Variants in PCDHGB6 observed in about 807,000 individuals in gnomAD.
PCDHGB6 encodes the protein protocadherin gamma-B6.
In PCDHGB6, 51 loss-of-function variants were observed where a neutral mutation model predicts 59.1. The ratio of observed to expected loss-of-function variants is 0.86; its 90% CI spans 0.69 to 1.09. The LOEUF (loss-of-function observed/expected upper bound fraction) is 1.09, where lower values mean the gene tolerates loss of function less well. PCDHGB6 is among the 50% of genes least tolerant of loss of function. The probability of loss-of-function intolerance (pLI) is 0.00; values close to 1 mark genes in which losing one functional copy is unlikely to be tolerated. For missense variants in PCDHGB6, 1,148 were observed against 1,205.1 expected (o/e 0.95, Z 0.70); for synonymous variants, 466 against 495.1 (o/e 0.94, Z 0.78).
At chr5:141,460,453 A>T (rs1487816393) in intron 1 of PCDHGB6, among the ~76,000 whole-genome samples, 3 of 152,152 alleles carry the variant, frequency 2.0e-5, no homozygotes, top group Non-Finnish European at 4.4e-5. Flanking sequence ...ATGAAGATTC[A>T]TATTTTTTTC....
Position 141,418,518 on chromosome 5 carries a change from C to G in PCDHGB6, c.2418+7898C>G. Reference sequence around the variant, plus strand: ...CTGACCGCCTTAGATGGTGGGGACCCTCCCCGAAGCGGTACTGCTCAGATA... The same window carrying G: ...CTGACCGCCTTAGATGGTGGGGACCGTCCCCGAAGCGGTACTGCTCAGATA... On this transcript the variant is annotated intron_variant, in intron 1 of 3. Coordinates refer to ENST00000520790, the MANE Select transcript of PCDHGB6 (RefSeq NM_018926.3). The G allele has an allele frequency of 2.5e-6, 4 of 1,613,986 alleles. 1 individual carries two copies.
chr5:141,476,412 G>T lies in PCDHGB6; in HGVS notation c.2419-18395G>T. The T allele has an allele frequency of 1.2e-6, 2 of 1,614,140 alleles. No homozygotes were observed. Among genetic ancestry groups the T allele is most frequent in the Non-Finnish European group, 1.7e-6 (2 of 1,180,010 alleles). On this transcript the variant is annotated intron_variant, in intron 1 of 3. Coordinates refer to ENST00000520790, the MANE Select transcript of PCDHGB6 (RefSeq NM_018926.3). The surrounding 1 kb of genome is among the most constrained non-coding windows in gnomAD (Gnocchi z 7.6). ...CGTCTGGATCGAGAGGAGCTGTGTGGGACACTGCCCTCTTGCACTGTAACT... is the reference window on the plus strand; with the variant it reads ...CGTCTGGATCGAGAGGAGCTGTGTGTGACACTGCCCTCTTGCACTGTAACT...
At chr5:141,472,980 C>CAAAAAAAAAA (rs60579131) in intron 1 of PCDHGB6, among the ~76,000 whole-genome samples, 34 of 85,838 alleles carry the variant, frequency 4.0e-4, no homozygotes, top group South Asian at 1.3e-3. Context: ...GAGTGAAACT[C>CAAAAAAAAAA]AAAAAAAAAA....
At chr5:141,459,137 G>C (rs1336232891) in intron 1 of PCDHGB6, among the ~76,000 whole-genome samples, 1 of 152,190 alleles carries the variant, frequency 6.6e-6, no homozygotes, top group Non-Finnish European at 1.5e-5. Context: ...TAACCACCAT[G>C]CAATCAAAAT....
At chr5:141,499,438 G>A (rs2154592492) in intron 2 of PCDHGB6, among the ~76,000 whole-genome samples, 1 of 152,158 alleles carries the variant, frequency 6.6e-6, no homozygotes, top group Admixed American at 6.5e-5. Context: ...AAAATTAAAA[G>A]GAAAACCACC....
chr5:141,448,763 A>AC (rs1372638258), intron 1 of PCDHGB6, among the ~76,000 whole-genome samples: 11 of 151,572 alleles, frequency 7.3e-5, no homozygotes, highest in Admixed American at 5.3e-4. Flanking sequence ...ACACGGTGAA[A>AC]CCCCGTCTGT....
At chr5:141,507,557 C>T (rs959957585) in intron 3 of PCDHGB6, among the ~76,000 whole-genome samples, 5 of 152,250 alleles carry the variant, frequency 3.3e-5, no homozygotes, top group Middle Eastern at 3.4e-3. Flanking sequence ...AAGTGGCAGG[C>T]GGCTGGGTCT....
At chr5:141,445,188 GTATTCTA>G (rs1223900471) in intron 1 of PCDHGB6, among the ~76,000 whole-genome samples, 1 of 152,080 alleles carries the variant, frequency 6.6e-6, no homozygotes, top group Non-Finnish European at 1.5e-5. Context: ...ATGTTTTTAT[GTATTCTA>G]TATGCTTTTG....
At position 141,422,850 on chromosome 5, in the gene PCDHGB6, G is replaced by A. The variant is rs184432819; in HGVS notation, c.2418+12230G>A. On this transcript the variant is annotated intron_variant, in intron 1 of 3. Transcript: ENST00000520790. Reference sequence around the variant, plus strand: ...TGATAGCACGTGACAGCGGGGACCCGCCCCTCAGCAGCAACGTGTCGCTGA... The same window carrying A: ...TGATAGCACGTGACAGCGGGGACCCACCCCTCAGCAGCAACGTGTCGCTGA... 154 of 1,614,204 alleles carry A rather than the reference G, an allele frequency of 9.5e-5. 1 individual carries two copies. The African/African-American group carries it at 1.3e-3, about 14-fold the overall frequency.
In PCDHGB6 at chr5:141,409,436, C is replaced by T. The variant is rs368696166; in HGVS notation, c.1234C>T (p.Arg412Ter). Reference protein sequence around the residue: ...YKLVTDGALDREQTPEYNVTI... With the variant: ...YKLVTDGALD Reference sequence around the variant, plus strand: ...ACTGGTGACAGATGGAGCCCTGGACCGAGAGCAGACACCAGAATACAATGT... The same window carrying T: ...ACTGGTGACAGATGGAGCCCTGGACTGAGAGCAGACACCAGAATACAATGT... The change falls in exon 1 of 4, where the codon CGA becomes TGA. Residue 412 changes from arginine (R) to a stop codon, truncating the protein, a stop_gained. Transcript: ENST00000520790. LOFTEE classifies it high-confidence loss of function. 6 of 1,613,864 alleles carry T rather than the reference C, an allele frequency of 3.7e-6. 1 individual carries two copies. The highest frequency in any genetic ancestry group is 5.1e-6 in the Non-Finnish European group (6 of 1,179,900).
intron 1 of PCDHGB6, chr5:141,426,739 GC>G (rs1345744337): frequency 8.8e-6 from 4 of 453,408 alleles, no homozygotes; most frequent in Non-Finnish European, 1.8e-5. Flanking sequence ...ATTCGGTTTG[GC>G]CTGGAATCTG....
chr5:141,441,609 A>G (rs922588350), intron 1 of PCDHGB6: 2 of 218,734 alleles, frequency 9.1e-6, no homozygotes, highest in South Asian at 5.5e-5. Context: ...TCCCTATTCC[A>G]TCGTGGCCAG....
At position 141,476,311 on chromosome 5, in the gene PCDHGB6, G is replaced by C. The variant is rs772962568; in HGVS notation, c.2419-18496G>C. ...ATCTCGGTAGCCTCTCAGCCCGCAGGTTCCGGGTGGTGTCTGGAGCTAGCC... is the reference window on the plus strand; with the variant it reads ...ATCTCGGTAGCCTCTCAGCCCGCAGCTTCCGGGTGGTGTCTGGAGCTAGCC... On this transcript the variant is annotated intron_variant, in intron 1 of 3. Transcript: ENST00000520790. The surrounding 1 kb of genome is among the most constrained non-coding windows in gnomAD (Gnocchi z 7.6). 18 of 1,613,680 alleles carry C rather than the reference G, an allele frequency of 1.1e-5. No homozygotes were observed. Among genetic ancestry groups the C allele is most frequent in the African/African-American group, 2.7e-5 (2 of 74,766 alleles).
At chr5:141,411,394 A>AC (rs958605809) in intron 1 of PCDHGB6, 4 of 151,570 alleles carry the variant, frequency 2.6e-5, no homozygotes, top group South Asian at 2.1e-4. Context: ...ATATAGGGAG[A>AC]CCCCCCATCT....
At chr5:141,439,207 C>A (rs1003519997) in intron 1 of PCDHGB6, among the ~76,000 whole-genome samples, 1 of 149,828 alleles carries the variant, frequency 6.7e-6, no homozygotes, top group Non-Finnish European at 1.5e-5. Context: ...AAAAAAAAAT[C>A]CATATGTGAA....
Position 141,409,863 on chromosome 5 carries a change from A to G in PCDHGB6, c.1661A>G (p.Asp554Gly). ...GTGAGCCTGCGCGTGTTGGTGGGAGACCGCAATGACAACGCACCGCGGGTG... is the reference window on the plus strand; with the variant it reads ...GTGAGCCTGCGCGTGTTGGTGGGAGGCCGCAATGACAACGCACCGCGGGTG... Reference protein sequence around the residue: ...ANVSLRVLVGDRNDNAPRVLY... With the variant: ...ANVSLRVLVGGRNDNAPRVLY... The change falls in exon 1 of 4, where the codon GAC (aspartate) becomes GGC (glycine). Residue 554 changes from aspartate to glycine, a missense_variant. Transcript: ENST00000520790. 1.9e-6 allele frequency: 3 copies of G among 1,612,376 alleles called. No individual in the cohort carries two copies. The highest frequency in any genetic ancestry group is 2.5e-6 in the Non-Finnish European group (3 of 1,179,412).
Position 141,485,209 on chromosome 5 carries a change from G to T in PCDHGB6, c.2419-9598G>T, listed in dbSNP as rs2099609420. The T allele has an allele frequency of 6.2e-7, 1 of 1,614,032 alleles. No individual in the cohort carries two copies. Among genetic ancestry groups the T allele is most frequent in the African/African-American group, 1.3e-5 (1 of 74,938 alleles). On this transcript the variant is annotated intron_variant, in intron 1 of 3. Transcript: ENST00000520790. This position sits in a 1 kb window ranked among gnomAD's most constrained non-coding sequence, Gnocchi z 5.7. Reference sequence around the variant, plus strand: ...AGGTGAGAAGCTGGACAGAAATCTGGCGGTGGGCTACCCTTTTGTTCCTCT... The same window carrying T: ...AGGTGAGAAGCTGGACAGAAATCTGTCGGTGGGCTACCCTTTTGTTCCTCT...
At position 141,408,540 on chromosome 5, in the gene PCDHGB6, C is replaced by G. The variant is rs201370009; in HGVS notation, c.338C>G (p.Pro113Arg). ...ELQLEAVVEN[P>R]LNIFHVIVVI... ...CAATTGGAAGCTGTGGTGGAAAATC[C>G]TTTAAATATTTTTCATGTCATTGTG... The change falls in exon 1 of 4, where the codon CCT becomes CGT. Residue 113 changes from proline to arginine, a missense_variant. This residue lies in a region of PCDHGB6 where 307 missense variants were observed against 323.8 expected (regional missense o/e 0.95). Transcript: ENST00000520790. 4 of 1,613,928 alleles carry G rather than the reference C, an allele frequency of 2.5e-6. No individual in the cohort carries two copies. The highest frequency in any genetic ancestry group is 3.4e-6 in the Non-Finnish European group (4 of 1,179,906).
intron 1 of PCDHGB6, chr5:141,478,553 T>G (rs1593930915): frequency 6.2e-7 from 1 of 1,602,704 alleles, no homozygotes; most frequent in Non-Finnish European, 8.5e-7. Context: ...ACAGGTAAGG[T>G]TTAGCAAGTC....
Sources: allele counts gnomAD v4.1 joint callset (sites outside exome capture counted in the v4.1 genomes callset), GRCh38; gene constraint gnomAD v4.1.1; regional missense constraint gnomAD v4.1.1; non-coding constraint Gnocchi (gnomAD v3.1); transcripts MANE v1.5; gene names NCBI Gene and HGNC (gene_info 2026-07-23, HGNC 2026-07-21).